The following AADACL4 variants were observed in gnomAD, a reference collection of about 807,000 sequenced individuals.
AADACL4 encodes the protein arylacetamide deacetylase like 4.
AADACL4 carries 9 observed loss-of-function variants against 14.1 expected under a neutral mutation model. That is an observed-to-expected ratio of 0.64 (90% CI 0.39 to 1.12). The LOEUF (loss-of-function observed/expected upper bound fraction) is 1.12, where lower values mean the gene tolerates loss of function less well. AADACL4 is among the 50% of genes most tolerant of loss of function. The pLI is 0.01. For synonymous variants in AADACL4, 188 were observed against 201.6 expected, an observed-to-expected ratio of 0.93 and a Z score of 0.57; for missense variants, 531 against 516.1, an observed-to-expected ratio of 1.03 and a Z score of -0.28.
At chr1:12,657,600 A>C (rs752287501) in intron 2 of AADACL4, among the ~76,000 whole-genome samples, 3 of 152,222 alleles carry the variant, frequency 2.0e-5, no homozygotes, top group Non-Finnish European at 4.4e-5. Flanking sequence ...GAGTGCAGGC[A>C]GACTCAAGAG....
Position 12,658,166 on chromosome 1 carries a change from T to TTC in AADACL4, c.386-3624_386-3623insCT, listed in dbSNP as rs368484346. ...TTTCTTTCTTTCTTTCTTTCTTTCT[T>TTC]TTTCTCTTTCTCTCTTTCTTTCTCT... On this transcript the variant is annotated intron_variant, in intron 2 of 3. Transcript: ENST00000376221. Among the ~76,000 whole-genome samples, 1,135 of 122,722 alleles carry TTC rather than the reference T, an allele frequency of 9.2e-3. 41 individuals are homozygous for TTC. Among genetic ancestry groups the TTC allele is most frequent in the African/African-American group, 0.021 (435 of 20,616 alleles). 80.5% of individuals were successfully genotyped at this position (122,722 alleles called of 152,430 possible).
rs143291704 is a variant in AADACL4, at chr1:12,653,533, A to G, written c.385+2194A>G. 2.9e-4 allele frequency among the ~76,000 whole-genome samples: 44 copies of G among 152,322 alleles called. 1 individual carries two copies. The East Asian group carries it at 4.8e-3, about 17-fold the overall frequency. On this transcript the variant is annotated intron_variant, in intron 2 of 3. Coordinates refer to ENST00000376221, the MANE Select transcript of AADACL4 (RefSeq NM_001013630.2). ...CAGTTCAGCTAATCCTGAATTGTTG[A>G]TATAAGAACAACAGGTATGGTTTAT...
chr1:12,644,578 CA>C lies in AADACL4; in HGVS notation c.33del (p.Leu12CysfsTer32). 6.2e-7 allele frequency: 1 copy of C among 1,614,154 alleles called. No individual in the cohort carries two copies. Among genetic ancestry groups the C allele is most frequent in the South Asian group, 1.1e-5 (1 of 91,082 alleles). On this transcript the variant is annotated frameshift_variant, in exon 1 of 4. Coordinates refer to ENST00000376221, the MANE Select transcript of AADACL4 (RefSeq NM_001013630.2). LOFTEE classifies it high-confidence loss of function. ...GTCCCCTGGCTAGTGCTACTCTTGGCATTGCCCATCTTTTTCCTGGGGGTCT... is the reference window on the plus strand; with the variant it reads ...GTCCCCTGGCTAGTGCTACTCTTGGCTTGCCCATCTTTTTCCTGGGGGTCT... MAVPWLVLLL[A>X]LPIFFLGVFV...
rs149204349 is a variant in AADACL4 at position 12,666,355 on chromosome 1, G to A, written c.844G>A (p.Glu282Lys). 128 of 1,614,162 alleles carry A rather than the reference G, an allele frequency of 7.9e-5. No homozygotes were observed. Among genetic ancestry groups the A allele is most frequent in the Middle Eastern group, 1.6e-4 (1 of 6,062 alleles). Residue 282 changes from glutamate (E) to lysine (K), a missense_variant, in exon 4 of 4, where the codon GAG (glutamate) becomes AAG (lysine). Physicochemically the swap from Glu to Lys is moderately conservative, Grantham distance 56. Transcript: ENST00000376221. ...ACCCCCAGACGTCTGGAGGAAGTACGAGAAGTGGCTCAGCCCTGACAACAT... is the reference window on the plus strand; with the variant it reads ...ACCCCCAGACGTCTGGAGGAAGTACAAGAAGTGGCTCAGCCCTGACAACAT... ...CVPPDVWRKY[E>K]KWLSPDNIPK...
intron 1 of AADACL4, among the ~76,000 whole-genome samples, chr1:12,649,654 G>A (rs913941983): frequency 3.3e-5 from 5 of 152,208 alleles, no homozygotes; most frequent in Non-Finnish European, 5.9e-5. Flanking sequence ...CCCAGTGGGT[G>A]CAAGCAAGAG....
intron 2 of AADACL4, among the ~76,000 whole-genome samples, chr1:12,654,472 A>G (rs1647168918): frequency 6.6e-6 from 1 of 152,032 alleles, no homozygotes; most frequent in Admixed American, 6.6e-5. Context: ...TCTACTTGAG[A>G]CCTTATTTCG....
Position 12,653,313 on chromosome 1 carries a change from A to G in AADACL4, c.385+1974A>G, listed in dbSNP as rs76750169. On this transcript the variant is annotated intron_variant, in intron 2 of 3. Transcript: ENST00000376221. ...GGCAAAAACCATTTGCGTCAAGAAG[A>G]CATAAACTTTACAAAGAGATTAAAC... 2.0e-4 allele frequency among the ~76,000 whole-genome samples: 31 copies of G among 152,374 alleles called. No individual in the cohort carries two copies. The East Asian group carries it at 5.6e-3, about 27-fold the overall frequency.
intron 3 of AADACL4, among the ~76,000 whole-genome samples, chr1:12,663,390 G>A (rs772796259): frequency 6.6e-6 from 1 of 152,154 alleles, no homozygotes; most frequent in Non-Finnish European, 1.5e-5. Flanking sequence ...TAGACTGCCA[G>A]CTTCTCCTTG....
chr1:12,648,179 C>T (rs1212355662), intron 1 of AADACL4, among the ~76,000 whole-genome samples: 1 of 151,420 alleles, frequency 6.6e-6, no homozygotes, highest in South Asian at 2.1e-4. Context: ...ACCATGTTAG[C>T]CAGGATGGTC....
Position 12,661,770 on chromosome 1 carries a change from C to T in AADACL4, c.386-21C>T, listed in dbSNP as rs752760333. On this transcript the variant is annotated intron_variant, in intron 2 of 3. Coordinates refer to ENST00000376221, the MANE Select transcript of AADACL4 (RefSeq NM_001013630.2). ...TGGGTCCTACTCATGCGCTGCTGCTCTGAGTGTTTTTGTCTTGCAGATTGT... is the reference window on the plus strand; with the variant it reads ...TGGGTCCTACTCATGCGCTGCTGCTTTGAGTGTTTTTGTCTTGCAGATTGT... 1.5e-5 allele frequency: 25 copies of T among 1,612,930 alleles called. No homozygotes were observed. In the East Asian group the frequency reaches 4.7e-4, roughly 30 times the overall value.
chr1:12,661,959 C>A, intron 3 of AADACL4, 105 bp downstream of exon 3: 1 of 1,262,894 alleles, frequency 7.9e-7, no homozygotes, highest in Non-Finnish European at 1.1e-6. Flanking sequence ...CAAGAGGCAA[C>A]TCTTGGACAT....
chr1:12,644,610 T>G lies in AADACL4; in HGVS notation c.64T>G (p.Trp22Gly), dbSNP rs200895543. ...CATCTTTTTCCTGGGGGTCTTTGTC[T>G]GGGCTGTCTTTGAGCACTTCCTCAC... Reference protein sequence around the residue: ...LPIFFLGVFVWAVFEHFLTTD... With the variant: ...LPIFFLGVFVGAVFEHFLTTD... Residue 22 changes from tryptophan to glycine, a missense_variant, in exon 1 of 4, where the codon TGG (tryptophan) becomes GGG (glycine). Trp to Gly is a radical substitution (Grantham distance 184). Transcript: ENST00000376221. 2.5e-6 allele frequency: 4 copies of G among 1,614,200 alleles called. No individual in the cohort carries two copies. Among genetic ancestry groups the G allele is most frequent in the Non-Finnish European group, 3.4e-6 (4 of 1,180,024 alleles).
chr1:12,658,592 T>G (rs938738051), intron 2 of AADACL4, among the ~76,000 whole-genome samples: 8 of 152,074 alleles, frequency 5.3e-5, no homozygotes, highest in Admixed American at 2.6e-4. Flanking sequence ...CCACCCTGTG[T>G]TATTCCTGTC....
At chr1:12,644,888 C>T (rs534387913) in intron 1 of AADACL4, among the ~76,000 whole-genome samples, 174 bp downstream of exon 1, 16 of 151,208 alleles carry the variant, frequency 1.1e-4, no homozygotes, top group East Asian at 3.9e-4. Context: ...TCCCTCCCTC[C>T]GTTCCTTCCC....
At chr1:12,650,422 A>G (rs1329585295) in intron 1 of AADACL4, among the ~76,000 whole-genome samples, 5 of 152,106 alleles carry the variant, frequency 3.3e-5, no homozygotes, top group African/African-American at 7.2e-5. Context: ...CAGAAGAATG[A>G]TCTGTTGATA....
chr1:12,664,920 G>A (rs2027589), intron 3 of AADACL4, among the ~76,000 whole-genome samples: 27,765 of 152,092 alleles, frequency 0.18, 4,452 homozygotes, highest in African/African-American at 0.44. Context: ...TACTTCGGAA[G>A]CCAAACCTCA....
chr1:12,657,971 G>C (rs994032687), intron 2 of AADACL4, among the ~76,000 whole-genome samples: 2 of 151,974 alleles, frequency 1.3e-5, no homozygotes, highest in African/African-American at 4.8e-5. Context: ...CTGCTGCCTG[G>C]AATTGTCTTG....
In AADACL4 at chr1:12,662,265, C is replaced by T. The variant is rs535735376; in HGVS notation, c.449+411C>T. Among the ~76,000 whole-genome samples the T allele has an allele frequency of 1.5e-3, 221 of 152,070 alleles. 1 individual carries two copies. Among genetic ancestry groups the T allele is most frequent in the African/African-American group, 5.1e-3 (210 of 41,470 alleles). On this transcript the variant is annotated intron_variant, in intron 3 of 3. Transcript: ENST00000376221. The stretch of plus-strand genomic sequence containing the variant: ...AACGTTAAAACCAAAAGAATACTTT[C>T]GAGGAAAACACATAGACGTAACAAG...
chr1:12,646,200 G>T (rs1237060315), intron 1 of AADACL4, among the ~76,000 whole-genome samples: 1 of 152,210 alleles, frequency 6.6e-6, no homozygotes, highest in Non-Finnish European at 1.5e-5. Context: ...TGACAGCAGG[G>T]CTTAGGAATA....
Sources: allele counts gnomAD v4.1 joint callset (sites outside exome capture counted in the v4.1 genomes callset), GRCh38; gene constraint gnomAD v4.1.1; transcripts MANE v1.5; gene names NCBI Gene and HGNC (gene_info 2026-07-23, HGNC 2026-07-21).